The following TRMT11 variants were observed in gnomAD, a reference collection of about 807,000 sequenced individuals.
The protein encoded by TRMT11 is tRNA methyltransferase 11.
In TRMT11, 53 loss-of-function variants were observed where a neutral mutation model predicts 62.8. The ratio of observed to expected loss-of-function variants is 0.84; its 90% CI spans 0.68 to 1.06. TRMT11 has a LOEUF of 1.06. TRMT11 is among the 50% of genes least tolerant of loss of function. The pLI is 0.00. For synonymous variants in TRMT11, 188 were observed against 190.3 expected, an observed-to-expected ratio of 0.99 and a Z score of 0.10; for missense variants, 556 against 553.4, an observed-to-expected ratio of 1.00 and a Z score of -0.05.
chr6:126,070,963 T>C (rs1012604726), intron 17 of TRMT11, among the ~76,000 whole-genome samples: 7 of 152,084 alleles, frequency 4.6e-5, no homozygotes, highest in Non-Finnish European at 8.8e-5. Flanking sequence ...GTGATTTTGA[T>C]TGTAGGAGAA....
At chr6:126,269,255 C>A in the TRMT11 span, among the ~76,000 whole-genome samples, 1 of 119,088 alleles carries the variant, frequency 8.4e-6, no homozygotes, top group Non-Finnish European at 1.6e-5. Flanking sequence ...CAGAGCGAGA[C>A]TCCGTCTCAA....
At chr6:126,180,742 A>C (rs959975560) in intron 1 of TRMT11, among the ~76,000 whole-genome samples, 6 of 152,176 alleles carry the variant, frequency 3.9e-5, no homozygotes, top group Non-Finnish European at 7.3e-5. Context: ...TGCCTTAGTC[A>C]CTTGGCCACA....
intron 1 of TRMT11, among the ~76,000 whole-genome samples, chr6:126,191,464 C>CTTTTTTTTTTTTTTTTTTTTTTTT (rs77414207): frequency 2.0e-5 from 2 of 102,378 alleles, no homozygotes; most frequent in South Asian, 3.3e-4. Context: ...TCCTACTTGT[C>CTTTTTTTTTTTTTTTTTTTTTTTT]TTTTTTTTTT....
intron 1 of TRMT11, among the ~76,000 whole-genome samples, chr6:126,186,228 C>G (rs750717100): frequency 3.9e-5 from 6 of 152,134 alleles, no homozygotes; most frequent in Non-Finnish European, 7.4e-5. Context: ...CAGAGCATCA[C>G]TACTTATTTT....
rs189620757 is a variant in TRMT11 at position 126,143,888 on chromosome 6, A to T, written c.*1823+28033A>T. Among the ~76,000 whole-genome samples, 318 of 152,286 alleles carry T rather than the reference A, an allele frequency of 2.1e-3. 3 individuals carry two copies. The highest frequency in any genetic ancestry group is 0.019 in the Admixed American group (288 of 15,280). On this transcript the variant is annotated intron_variant and NMD_transcript_variant, in intron 21 of 22. Transcript: ENST00000648977. ...GCTCTAGGATGGGGCCGCTTGACTC[A>T]CTGTGATCTGAATTGGAACACACTG...
intron 12 of TRMT11, among the ~76,000 whole-genome samples, chr6:126,023,942 T>C (rs960961660): frequency 6.6e-6 from 1 of 152,188 alleles, no homozygotes; most frequent in Non-Finnish European, 1.5e-5. Context: ...GTTAATGCTT[T>C]AGAAAGAACA....
intron 1 of TRMT11, among the ~76,000 whole-genome samples, chr6:126,188,088 A>G (rs1778546800): frequency 6.6e-6 from 1 of 151,890 alleles, no homozygotes; most frequent in Non-Finnish European, 1.5e-5. Flanking sequence ...AAAAGCACGA[A>G]TTTTAAAAGA....
chr6:126,239,438 A>C, the TRMT11 span, among the ~76,000 whole-genome samples: 1 of 151,986 alleles, frequency 6.6e-6, no homozygotes, highest in Non-Finnish European at 1.5e-5. Flanking sequence ...GCTTGTCTAT[A>C]AAGTATTTTA....
chr6:126,081,095 C>T, intron 17 of TRMT11, among the ~76,000 whole-genome samples: 1 of 152,166 alleles, frequency 6.6e-6, no homozygotes, highest in South Asian at 2.1e-4. Flanking sequence ...TGTTTGGTCT[C>T]TACAGACATT....
the TRMT11 span, among the ~76,000 whole-genome samples, chr6:126,265,338 T>A: frequency 6.6e-6 from 1 of 152,188 alleles, no homozygotes; most frequent in Admixed American, 6.5e-5. Flanking sequence ...ATCCCTAAAA[T>A]CTGCTGAAAT....
chr6:126,066,440 G>C (rs1776693297), intron 17 of TRMT11, among the ~76,000 whole-genome samples: 1 of 152,190 alleles, frequency 6.6e-6, no homozygotes, highest in Non-Finnish European at 1.5e-5. Context: ...TCTTTGTTAT[G>C]TCCTCATATG....
chr6:126,010,097 A>G (rs759486710), intron 8 of TRMT11, among the ~76,000 whole-genome samples: 4 of 151,990 alleles, frequency 2.6e-5, no homozygotes, highest in Non-Finnish European at 4.4e-5. Flanking sequence ...CCATTTGCCA[A>G]AATGCTTCTT....
downstream of TRMT11, among the ~76,000 whole-genome samples, chr6:126,041,466 G>A (rs190063299): frequency 4.3e-4 from 66 of 152,140 alleles, no homozygotes; most frequent in Non-Finnish European, 6.8e-4. Context: ...GTTCTTAGTC[G>A]TTTGGTGTTA....
chr6:126,252,895 G>A, the TRMT11 span, among the ~76,000 whole-genome samples: 1 of 152,134 alleles, frequency 6.6e-6, no homozygotes, highest in Non-Finnish European at 1.5e-5. Context: ...GGAAGTAGAG[G>A]AGGAGACAGG....
At chr6:126,222,409 T>C in the TRMT11 span, among the ~76,000 whole-genome samples, 1 of 152,194 alleles carries the variant, frequency 6.6e-6, no homozygotes, top group Non-Finnish European at 1.5e-5. Context: ...TTGGGAAGTA[T>C]GGTCATGTTA....
At chr6:126,100,112 CTTTAA>C in intron 17 of TRMT11, among the ~76,000 whole-genome samples, 1 of 152,130 alleles carries the variant, frequency 6.6e-6, no homozygotes, top group Non-Finnish European at 1.5e-5. Flanking sequence ...TGACTCTTCT[CTTTAA>C]TTTATTTAAG....
chr6:126,010,402 C>T (rs897174962), intron 8 of TRMT11, among the ~76,000 whole-genome samples: 2 of 151,968 alleles, frequency 1.3e-5, no homozygotes, highest in African/African-American at 2.4e-5. Flanking sequence ...TTGAGCACTT[C>T]TCCGTCACAC....
chr6:126,206,223 C>T (rs886390765), downstream of TRMT11, among the ~76,000 whole-genome samples: 1 of 152,212 alleles, frequency 6.6e-6, no homozygotes, highest in African/African-American at 2.4e-5. Context: ...ATAACCTAGG[C>T]TGCTTTTGAG....
At chr6:125,998,477 A>T (rs1791960269) in intron 5 of TRMT11, 73 bp from the exon 6 acceptor site, 1 of 1,477,366 alleles carries the variant, frequency 6.8e-7, no homozygotes, top group African/African-American at 1.4e-5. Context: ...CTTACAAGGT[A>T]ATGTTATTAG....
Sources: gnomAD v4.1 joint callset for allele counts (sites outside exome capture counted in the v4.1 genomes callset) on GRCh38, gnomAD v4.1.1 for gene constraint, MANE v1.5 for transcripts, NCBI Gene and HGNC (gene_info 2026-07-23, HGNC 2026-07-21) for gene names.